The following CMC1 variants were observed in gnomAD, a reference collection of about 807,000 sequenced individuals.
CMC1 encodes C-X9-C motif containing 1, also known as COX assembly mitochondrial protein homolog.
A neutral mutation model predicts 14.1 loss-of-function variants in CMC1; 14 were observed. The observed-to-expected ratio is 0.99, with a 90% CI of 0.66 to 1.55. CMC1 has a LOEUF of 1.55. Ranked by LOEUF, CMC1 falls within the 40% of genes most tolerant of loss-of-function variation. The probability of loss-of-function intolerance (pLI) is 0.00; values close to 1 mark genes in which losing one functional copy is unlikely to be tolerated. For missense variants in CMC1, 127 were observed against 123.8 expected (o/e 1.03, Z -0.12); for synonymous variants, 50 against 38.4 (o/e 1.30, Z -1.12).
intron 2 of CMC1, chr3:28,297,262 G>A (rs752939324): frequency 6.6e-6 from 1 of 151,976 alleles, no homozygotes; most frequent in Non-Finnish European, 1.5e-5. Flanking sequence ...TATTTAGAGA[G>A]GTTTAGTAAC....
At chr3:28,277,628 T>C (rs1700649258) in intron 2 of CMC1, among the ~76,000 whole-genome samples, 1 of 152,168 alleles carries the variant, frequency 6.6e-6, no homozygotes, top group Non-Finnish European at 1.5e-5. Context: ...ACGTGATCAA[T>C]ATAGGTCTCA....
At chr3:28,251,842 A>C (rs1218420005) in intron 1 of CMC1, among the ~76,000 whole-genome samples, 1 of 152,188 alleles carries the variant, frequency 6.6e-6, no homozygotes, top group Non-Finnish European at 1.5e-5. Flanking sequence ...AAAGTAAATC[A>C]GGCAATGTAT....
intron 2 of CMC1, among the ~76,000 whole-genome samples, chr3:28,292,109 T>C (rs1278746927): frequency 6.6e-6 from 1 of 152,148 alleles, no homozygotes; most frequent in African/African-American, 2.4e-5. Flanking sequence ...TTTTAATTCA[T>C]TTTCTTTCCC....
intron 2 of CMC1, among the ~76,000 whole-genome samples, chr3:28,263,723 A>G (rs768809708): frequency 1.2e-4 from 18 of 152,074 alleles, no homozygotes; most frequent in Non-Finnish European, 1.9e-4. Context: ...TCTAACATAT[A>G]CCTGTTTCCC....
chr3:28,311,916 T>C (rs1433080829), intron 2 of CMC1, among the ~76,000 whole-genome samples: 1 of 152,212 alleles, frequency 6.6e-6, no homozygotes, highest in Non-Finnish European at 1.5e-5. Flanking sequence ...AAAGATCTTT[T>C]CTACATTATG....
intron 2 of CMC1, among the ~76,000 whole-genome samples, chr3:28,301,926 A>G (rs1266376124): frequency 6.6e-6 from 1 of 151,648 alleles, no homozygotes. Context: ...ACACACACAC[A>G]CTATGGAACT....
chr3:28,307,791 T>C (rs1244672954), intron 2 of CMC1, among the ~76,000 whole-genome samples: 1 of 152,178 alleles, frequency 6.6e-6, no homozygotes, highest in African/African-American at 2.4e-5. Flanking sequence ...ATTAAGACAA[T>C]ACAAATTCAT....
chr3:28,284,083 G>A (rs1701047065), intron 2 of CMC1, among the ~76,000 whole-genome samples: 1 of 152,160 alleles, frequency 6.6e-6, no homozygotes, highest in African/African-American at 2.4e-5. Context: ...TGATGCATTA[G>A]TGTGAAAAAT....
rs1703336604 is a variant in CMC1, at chr3:28,325,116, T to C, written c.*5487T>C. 1 of 129,854 alleles carries C rather than the reference T, an allele frequency of 7.7e-6. No homozygotes were observed. Among genetic ancestry groups the C allele is most frequent in the Non-Finnish European group, 1.6e-5 (1 of 62,254 alleles). 8.0% of individuals were successfully genotyped at this position (129,854 alleles called of 1,614,324 possible). Reference sequence around the variant, plus strand: ...TGTTAATGCTACTGTGGTCACAATGTAGGTAAAGTAAAAAAAAAAAAAAAA... The same window carrying C: ...TGTTAATGCTACTGTGGTCACAATGCAGGTAAAGTAAAAAAAAAAAAAAAA... On this transcript the variant is annotated 3_prime_UTR_variant, in exon 4 of 4. Transcript: ENST00000466830.
At chr3:28,244,725 CAAAAA>C (rs558381085) in intron 1 of CMC1, among the ~76,000 whole-genome samples, 1 of 115,868 alleles carries the variant, frequency 8.6e-6, no homozygotes, top group Non-Finnish European at 1.8e-5. Flanking sequence ...GACTTCGTCT[CAAAAA>C]AAAAAAAAAG....
intron 2 of CMC1, among the ~76,000 whole-genome samples, chr3:28,299,246 A>C (rs577854482): frequency 6.6e-6 from 1 of 152,226 alleles, no homozygotes; most frequent in African/African-American, 2.4e-5. Context: ...TACTCGTGGC[A>C]TATTGAAGAT....
intron 1 of CMC1, among the ~76,000 whole-genome samples, chr3:28,252,897 C>G (rs1327615933): frequency 2.0e-5 from 3 of 152,320 alleles, no homozygotes; most frequent in Middle Eastern, 3.4e-3. Flanking sequence ...TTGCCCTCAT[C>G]TTCAGGTTTC....
intron 2 of CMC1, among the ~76,000 whole-genome samples, chr3:28,274,220 C>CTTTTTTTTTTT (rs544985268): frequency 1.3e-4 from 15 of 112,314 alleles, no homozygotes; most frequent in African/African-American, 2.3e-4. Flanking sequence ...TTGTTTTTTT[C>CTTTTTTTTTTT]TTTTTTTTTT....
Position 28,319,582 on chromosome 3 carries a change from G to C in CMC1, c.274G>C (p.Gly92Arg), listed in dbSNP as rs761991291. 5.6e-6 allele frequency: 9 copies of C among 1,609,150 alleles called. No homozygotes were observed. Among genetic ancestry groups the C allele is most frequent in the Admixed American group, 1.7e-5 (1 of 59,662 alleles). The change falls in exon 4 of 4, where the codon GGA (glycine) becomes CGA (arginine). Residue 92 changes from glycine (G) to arginine (R), a missense_variant. By Grantham distance (125) the Gly-to-Arg change is moderately radical (BLOSUM62 -2). Coordinates refer to ENST00000466830, the MANE Select transcript of CMC1 (RefSeq NM_182523.2). ...GGAAAGGGAAGAATTCAGAAAAACT[G>C]GAATTCCTACAAAGAAAAGGCTACA... is the stretch of plus-strand genomic sequence containing the variant. ...LKEREEFRKT[G>R]IPTKKRLQKL...
chr3:28,267,011 T>A (rs1272503068), intron 2 of CMC1, among the ~76,000 whole-genome samples: 1 of 152,120 alleles, frequency 6.6e-6, no homozygotes, highest in Admixed American at 6.6e-5. Flanking sequence ...AACAGTAACC[T>A]CCCACCAACT....
At chr3:28,308,801 G>A (rs180954870) in intron 2 of CMC1, among the ~76,000 whole-genome samples, 1 of 152,144 alleles carries the variant, frequency 6.6e-6, no homozygotes, top group East Asian at 1.9e-4. Context: ...TGGCCAACAT[G>A]GTGAAACCCC....
rs957301483 is a variant in CMC1 at position 28,319,785 on chromosome 3, T to C, written c.*156T>C. On this transcript the variant is annotated 3_prime_UTR_variant, in exon 4 of 4. Coordinates refer to ENST00000466830, the MANE Select transcript of CMC1 (RefSeq NM_182523.2). ...TATTTTATTTCAAAGTTTTGGTTTC[T>C]TAAATGGGAAAGGAGTAGTTACTGA... The C allele has an allele frequency of 9.3e-6, 6 of 648,002 alleles. No homozygotes were observed. In the Admixed American group the frequency reaches 2.2e-4, roughly 24 times the overall value. 40.1% of individuals were successfully genotyped at this position (648,002 alleles called of 1,614,324 possible).
intron 2 of CMC1, among the ~76,000 whole-genome samples, chr3:28,312,490 A>G (rs1702684879): frequency 6.6e-6 from 1 of 152,242 alleles, no homozygotes; most frequent in South Asian, 2.1e-4. Flanking sequence ...GAGAAAGTGT[A>G]AAAGATGAAC....
At chr3:28,291,790 G>A (rs1271068418) in intron 2 of CMC1, 1 of 152,216 alleles carries the variant, frequency 6.6e-6, no homozygotes, top group African/African-American at 2.4e-5. Context: ...TGAGGGAGGG[G>A]GAGAGGGAGC....
Sources: allele counts gnomAD v4.1 joint callset (sites outside exome capture counted in the v4.1 genomes callset), GRCh38; gene constraint gnomAD v4.1.1; transcripts MANE v1.5; gene names NCBI Gene and HGNC (gene_info 2026-07-23, HGNC 2026-07-21).